Variants in PTPRU observed in about 807,000 individuals in gnomAD.
The protein encoded by PTPRU is receptor-type tyrosine-protein phosphatase U.
Under a neutral mutation model 166.3 loss-of-function variants are expected in PTPRU, and 69 were observed. The observed-to-expected ratio is 0.41, with a 90% confidence interval of 0.34 to 0.51. The LOEUF is 0.51. Ranked by LOEUF, PTPRU falls within the 20% of genes least tolerant of loss-of-function variation. The pLI is 0.09. For missense variants in PTPRU, 1,657 were observed against 2,013.7 expected (o/e 0.82, Z 3.39); for synonymous variants, 793 against 814.0 (o/e 0.97, Z 0.44).
At chr1:29,306,723 T>C (rs547633429) in intron 18 of PTPRU, among the ~76,000 whole-genome samples, 3 of 152,258 alleles carry the variant, frequency 2.0e-5, no homozygotes, top group Non-Finnish European at 2.9e-5. Flanking sequence ...GGAGCCGAGG[T>C]AGTCAGGGTC....
chr1:29,274,693 T>C (rs937991851), intron 7 of PTPRU, among the ~76,000 whole-genome samples: 1 of 152,198 alleles, frequency 6.6e-6, no homozygotes, highest in African/African-American at 2.4e-5. Context: ...ATCAACAGTT[T>C]GATTCAGACT....
chr1:29,289,193 CTGTGTGTGTCAGGGGATGTCTAATG>C (rs1232692290), intron 14 of PTPRU, among the ~76,000 whole-genome samples: 1 of 152,082 alleles, frequency 6.6e-6, no homozygotes, highest in Non-Finnish European at 1.5e-5. Context: ...GAGTATGAGT[CTGTGTGTGTCAGGGGATGTCTAATG>C]TGTGTGTGTG....
In PTPRU at chr1:29,280,213, C is replaced by T; in HGVS notation, c.1868+72C>T. 3 of 1,401,580 alleles carry T rather than the reference C, an allele frequency of 2.1e-6. No individual in the cohort carries two copies. The highest frequency in any genetic ancestry group is 3.0e-6 in the Non-Finnish European group (3 of 1,007,124). 86.8% of individuals were successfully genotyped at this position (1,401,580 alleles called of 1,614,324 possible). A position where few individuals can be genotyped will look rare whatever the true frequency, so the allele number is the denominator to read the frequency against. On this transcript the variant is annotated intron_variant, in intron 11 of 29. Transcript: ENST00000373779. This position sits in a 1 kb window ranked among gnomAD's most constrained non-coding sequence, Gnocchi z 4.2. Reference sequence around the variant, plus strand: ...GAGGCCCCTCCTCTGACCCAGAGCCCCATCCCAGGCCAGCTCACCCTTTTC... The same window carrying T: ...GAGGCCCCTCCTCTGACCCAGAGCCTCATCCCAGGCCAGCTCACCCTTTTC...
chr1:29,273,334 T>A (rs562350566), intron 7 of PTPRU, among the ~76,000 whole-genome samples: 1 of 152,240 alleles, frequency 6.6e-6, no homozygotes, highest in South Asian at 2.1e-4. Flanking sequence ...AGTGGTGCGA[T>A]CATGGCTCAC....
Position 29,323,802 on chromosome 1 carries a change from C to G in PTPRU, c.4112+14C>G. 5 of 1,613,098 alleles carry G rather than the reference C, an allele frequency of 3.1e-6. No individual in the cohort carries two copies. The highest frequency in any genetic ancestry group is 4.2e-6 in the Non-Finnish European group (5 of 1,179,354). ...CGTGCACTGCCTGTGAGTACCTGCC[C>G]TGTGGGAGGGCGGGTGGAGGGGTTG... On this transcript the variant is annotated intron_variant, in intron 28 of 29. Coordinates refer to ENST00000373779, the MANE Select transcript of PTPRU (RefSeq NM_133178.4).
intron 18 of PTPRU, among the ~76,000 whole-genome samples, chr1:29,310,304 G>A (rs969205633): frequency 6.6e-6 from 1 of 152,176 alleles, no homozygotes; most frequent in Admixed American, 6.5e-5. Flanking sequence ...GTTATCCCAA[G>A]TGTGGGGGCT....
chr1:29,266,557 G>A (rs901371784), intron 7 of PTPRU, among the ~76,000 whole-genome samples: 1 of 152,154 alleles, frequency 6.6e-6, no homozygotes, highest in African/African-American at 2.4e-5. Context: ...ATGTTCCAGT[G>A]GGAATTGCTT....
chr1:29,303,995 A>G lies in PTPRU; in HGVS notation c.2617A>G (p.Ile873Val). 1 of 1,613,032 alleles carries G rather than the reference A, an allele frequency of 6.2e-7. No individual in the cohort carries two copies. The highest frequency in any genetic ancestry group is 8.5e-7 in the Non-Finnish European group (1 of 1,179,458). ...AVRVADLLQH[I>V]NQMKTAEGYG... ...GCGTGTCGCAGACCTTCTGCAGCAC[A>G]TCAACCAGATGAAGACGGCCGAGGG... The change falls in exon 16 of 30, where the codon ATC becomes GTC. Residue 873 changes from isoleucine to valine, a missense_variant. Ile to Val is a conservative substitution (Grantham distance 29). This residue lies in a region of PTPRU where 1,190 missense variants were observed against 1,477.4 expected (regional missense o/e 0.81). Coordinates refer to ENST00000373779, the MANE Select transcript of PTPRU (RefSeq NM_133178.4).
chr1:29,311,521 G>A lies in PTPRU; in HGVS notation c.2923G>A (p.Val975Ile), dbSNP rs138769148. The change falls in exon 20 of 30, where the codon GTC (valine) becomes ATC (isoleucine). Residue 975 changes from valine to isoleucine, a missense_variant. By Grantham distance (29) the Val-to-Ile change is conservative. Coordinates refer to ENST00000373779, the MANE Select transcript of PTPRU (RefSeq NM_133178.4). This position sits in a 1 kb window ranked among gnomAD's most constrained non-coding sequence, Gnocchi z 4.1. Reference sequence around the variant, plus strand: ...GTGGCAGGAGCACTGTTCCAGCATCGTCATGATCACCAAGCTGGTCGAGGT... The same window carrying A: ...GTGGCAGGAGCACTGTTCCAGCATCATCATGATCACCAAGCTGGTCGAGGT... Reference protein sequence around the residue: ...MVWQEHCSSIVMITKLVEVGR... With the variant: ...MVWQEHCSSIIMITKLVEVGR... 6.0e-5 allele frequency: 97 copies of A among 1,614,180 alleles called. No individual in the cohort carries two copies. In the African/African-American group the frequency reaches 1.1e-3, roughly 18 times the overall value.
Position 29,280,209 on chromosome 1 carries a change from A to G in PTPRU, c.1868+68A>G. The G allele has an allele frequency of 6.9e-7, 1 of 1,451,544 alleles. No homozygotes were observed. Among genetic ancestry groups the G allele is most frequent in the Non-Finnish European group, 9.6e-7 (1 of 1,044,968 alleles). The allele number at this position is 1,451,544 out of a possible 1,614,324, so 89.9% of individuals were successfully genotyped here. ...GAAAGAGGCCCCTCCTCTGACCCAG[A>G]GCCCCATCCCAGGCCAGCTCACCCT... On this transcript the variant is annotated intron_variant, in intron 11 of 29. Transcript: ENST00000373779. The surrounding 1 kb of genome is among the most constrained non-coding windows in gnomAD (Gnocchi z 4.2).
chr1:29,310,206 C>T lies in PTPRU; in HGVS notation c.2821-538C>T, dbSNP rs78958479. On this transcript the variant is annotated intron_variant, in intron 18 of 29. Coordinates refer to ENST00000373779, the MANE Select transcript of PTPRU (RefSeq NM_133178.4). ...CCAAGGGCCATGAGTAATGTCTGTG[C>T]CCATATACTTCCATCCTGAAGCCCT... is the stretch of plus-strand genomic sequence containing the variant. Among the ~76,000 whole-genome samples the T allele has an allele frequency of 2.6e-4, 40 of 152,230 alleles. No homozygotes were observed. The East Asian group carries it at 7.1e-3, about 27-fold the overall frequency.
chr1:29,322,800 G>A (rs998708978), intron 26 of PTPRU, among the ~76,000 whole-genome samples: 1 of 152,228 alleles, frequency 6.6e-6, no homozygotes, highest in Middle Eastern at 3.4e-3. Context: ...ACGTGTGTTT[G>A]TGTGTGTTAG....
intron 14 of PTPRU, among the ~76,000 whole-genome samples, chr1:29,288,117 G>A (rs1406389819): frequency 6.6e-6 from 1 of 152,140 alleles, no homozygotes; most frequent in African/African-American, 2.4e-5. Flanking sequence ...CCATGCCCAG[G>A]CTTAACCTCA....
chr1:29,296,970 T>G (rs1292232706), intron 15 of PTPRU, among the ~76,000 whole-genome samples: 1 of 152,066 alleles, frequency 6.6e-6, no homozygotes, highest in African/African-American at 2.4e-5. Context: ...CTCAGTGTTA[T>G]GCACTTATTA....
chr1:29,315,219 C>T lies in PTPRU; in HGVS notation c.3228-153C>T, dbSNP rs1430001281. ...TAGAGCTCTTCCATCCAGCAGCCTG[C>T]GTCCTGGCTCCTTACTCGGGGAGGG... On this transcript the variant is annotated intron_variant, in intron 22 of 29. Coordinates refer to ENST00000373779, the MANE Select transcript of PTPRU (RefSeq NM_133178.4). The surrounding 1 kb of genome is among the most constrained non-coding windows in gnomAD (Gnocchi z 4.5). Among the ~76,000 whole-genome samples, 1 of 152,232 alleles carries T rather than the reference C, an allele frequency of 6.6e-6. No individual in the cohort carries two copies. Among genetic ancestry groups the T allele is most frequent in the South Asian group, 2.1e-4 (1 of 4,820 alleles).
rs557209789 is a variant in PTPRU at position 29,237,375 on chromosome 1, C to T, written c.73+658C>T. Among the ~76,000 whole-genome samples, 49 of 152,166 alleles carry T rather than the reference C, an allele frequency of 3.2e-4. No homozygotes were observed. The East Asian group carries it at 9.5e-3, about 29-fold the overall frequency. On this transcript the variant is annotated intron_variant, in intron 1 of 29. Transcript: ENST00000373779. The surrounding 1 kb of genome is among the most constrained non-coding windows in gnomAD (Gnocchi z 6.4). The stretch of plus-strand genomic sequence containing the variant: ...GGGGCCGCGTGGGTCCGAGTGAATG[C>T]CAAGTGTGCCGGGAATGCGTGTGTG...
chr1:29,252,520 G>A (rs1303792104), intron 1 of PTPRU, among the ~76,000 whole-genome samples: 14 of 151,974 alleles, frequency 9.2e-5, no homozygotes, highest in Admixed American at 7.9e-4. Flanking sequence ...TGCCTGCCTC[G>A]GCCTCCCAAA....
chr1:29,307,261 C>G lies in PTPRU; in HGVS notation c.2820+1833C>G, dbSNP rs570330150. ...GTCTGTCTCTCTGTCTCTGTCCTTC[C>G]TTTCTACTTATGTGCCCAGCACCAA... On this transcript the variant is annotated intron_variant, in intron 18 of 29. Transcript: ENST00000373779. 4 of 1,376,434 alleles carry G rather than the reference C, an allele frequency of 2.9e-6. No homozygotes were observed. The African/African-American group carries it at 5.7e-5, about 20-fold the overall frequency. The allele number at this position is 1,376,434 out of a possible 1,614,324, so 85.3% of individuals were successfully genotyped here. A position where few individuals can be genotyped will look rare whatever the true frequency, so the allele number is the denominator to read the frequency against.
At position 29,325,999 on chromosome 1, in the gene PTPRU, G is replaced by A; in HGVS notation, c.*338G>A. 3.1e-5 allele frequency: 13 copies of A among 425,800 alleles called. No homozygotes were observed. The highest frequency in any genetic ancestry group is 9.5e-5 in the South Asian group (1 of 10,582). 26.4% of individuals were successfully genotyped at this position (425,800 alleles called of 1,614,324 possible). Reference sequence around the variant, plus strand: ...TGGGGGACTCAGGCCAAGCCCCTTGGCACCATCCTGGCTTTTGGCAGGGAT... The same window carrying A: ...TGGGGGACTCAGGCCAAGCCCCTTGACACCATCCTGGCTTTTGGCAGGGAT... On this transcript the variant is annotated 3_prime_UTR_variant, in exon 30 of 30. Transcript: ENST00000373779.
Sources: allele counts gnomAD v4.1 joint callset (sites outside exome capture counted in the v4.1 genomes callset), GRCh38; gene constraint gnomAD v4.1.1; regional missense constraint gnomAD v4.1.1; non-coding constraint Gnocchi (gnomAD v3.1); transcripts MANE v1.5; gene names NCBI Gene and HGNC (gene_info 2026-07-23, HGNC 2026-07-21).